NDUFAF2: variants seen among roughly 807,000 people sequenced by gnomAD.
The protein encoded by NDUFAF2 is NADH dehydrogenase [ubiquinone] 1 alpha subcomplex assembly factor 2.
Under a neutral mutation model 22.8 loss-of-function variants are expected in NDUFAF2, and 13 were observed. The observed-to-expected ratio is 0.57, with a 90% CI of 0.37 to 0.91. The LOEUF (loss-of-function observed/expected upper bound fraction) is 0.91, where lower values mean the gene tolerates loss of function less well. NDUFAF2 is among the 40% of genes least tolerant of loss of function. NDUFAF2 has a pLI of 0.01. For missense variants in NDUFAF2, 162 were observed against 195.2 expected (o/e 0.83, Z 1.01); for synonymous variants, 53 against 64.2 (o/e 0.83, Z 0.84).
intron 1 of NDUFAF2, among the ~76,000 whole-genome samples, chr5:60,997,239 T>C (rs1400988545): frequency 6.6e-6 from 1 of 152,218 alleles, no homozygotes; most frequent in Non-Finnish European, 1.5e-5. Context: ...AACATAAAGG[T>C]TTGGTGATTT....
intron 3 of NDUFAF2, among the ~76,000 whole-genome samples, chr5:61,109,410 C>G (rs531470275): frequency 6.6e-6 from 1 of 152,292 alleles, no homozygotes; most frequent in African/African-American, 2.4e-5. Flanking sequence ...GATAATTTGA[C>G]TTCTTCCTTT....
In NDUFAF2 at chr5:61,032,077, G is replaced by GT. The variant is rs531436467; in HGVS notation, c.128-41041dup. Among the ~76,000 whole-genome samples the GT allele has an allele frequency of 8.5e-4, 130 of 152,062 alleles. 1 individual carries two copies. The highest frequency in any genetic ancestry group is 2.9e-3 in the African/African-American group (120 of 41,480). ...TTGCCCACTTTTTGATGAGGTTTTT[G>GT]TTTTTTTCTTGTAAATTTGTTTAAG... On this transcript the variant is annotated intron_variant, in intron 1 of 3. Transcript: ENST00000296597.
chr5:61,106,948 G>T (rs1381420451), intron 3 of NDUFAF2, among the ~76,000 whole-genome samples: 1 of 150,480 alleles, frequency 6.6e-6, no homozygotes. Context: ...GGACATTTAG[G>T]TTGCTTCCAA....
chr5:61,094,270 C>T, intron 2 of NDUFAF2, among the ~76,000 whole-genome samples: 1 of 152,092 alleles, frequency 6.6e-6, no homozygotes, highest in Non-Finnish European at 1.5e-5. Context: ...TTAACTTGGT[C>T]TATTCTGTTA....
At chr5:61,122,074 C>A (rs992457043) in intron 3 of NDUFAF2, among the ~76,000 whole-genome samples, 51 of 152,208 alleles carry the variant, frequency 3.4e-4, no homozygotes, top group Non-Finnish European at 5.3e-4. Flanking sequence ...AAGCAATCTA[C>A]CCACCTTGGC....
At chr5:60,963,592 T>C (rs901788054) in intron 1 of NDUFAF2, among the ~76,000 whole-genome samples, 4 of 152,226 alleles carry the variant, frequency 2.6e-5, no homozygotes, top group Admixed American at 2.6e-4. Context: ...TGTTCATCCA[T>C]CTGACTGATA....
chr5:61,130,506 T>A (rs1418270107), intron 3 of NDUFAF2, among the ~76,000 whole-genome samples: 1 of 152,140 alleles, frequency 6.6e-6, no homozygotes, highest in Non-Finnish European at 1.5e-5. Flanking sequence ...CTTGCCTGAC[T>A]CACTTGCCAT....
At chr5:61,083,077 G>A (rs1382656411) in intron 2 of NDUFAF2, among the ~76,000 whole-genome samples, 2 of 152,094 alleles carry the variant, frequency 1.3e-5, no homozygotes, top group African/African-American at 2.4e-5. Flanking sequence ...TCTGACTGGT[G>A]TAAGATGGTA....
intron 1 of NDUFAF2, among the ~76,000 whole-genome samples, chr5:60,960,292 T>C (rs893251495): frequency 6.6e-6 from 1 of 152,206 alleles, no homozygotes; most frequent in Non-Finnish European, 1.5e-5. Flanking sequence ...TCTTAAATAC[T>C]GTGTATAGGC....
At chr5:61,131,366 T>C (rs1753110048) in intron 3 of NDUFAF2, among the ~76,000 whole-genome samples, 1 of 151,884 alleles carries the variant, frequency 6.6e-6, no homozygotes, top group South Asian at 2.1e-4. Context: ...TTGGGGGGTT[T>C]TTTGGTTTGT....
At chr5:61,058,351 T>C (rs1752124637) in intron 1 of NDUFAF2, among the ~76,000 whole-genome samples, 1 of 152,088 alleles carries the variant, frequency 6.6e-6, no homozygotes, top group African/African-American at 2.4e-5. Flanking sequence ...AATTAAATAC[T>C]TGATTATATT....
intron 2 of NDUFAF2, among the ~76,000 whole-genome samples, chr5:61,078,975 G>A (rs924809427): frequency 1.3e-5 from 2 of 151,658 alleles, no homozygotes; most frequent in Middle Eastern, 3.2e-3. Context: ...AGCTTGTTTC[G>A]TGTTAACAGT....
intron 1 of NDUFAF2, among the ~76,000 whole-genome samples, chr5:60,992,123 C>G (rs1751166470): frequency 6.6e-6 from 1 of 152,084 alleles, no homozygotes; most frequent in Non-Finnish European, 1.5e-5. Context: ...CAAATCTTTG[C>G]CCATTTTTTG....
chr5:61,152,871 ACCCTCAGTGGCT>A lies in NDUFAF2; in HGVS notation c.430_441del (p.Val145_Ser148del). On this transcript the variant is annotated inframe_deletion, in exon 4 of 4. Coordinates refer to ENST00000296597, the MANE Select transcript of NDUFAF2 (RefSeq NM_174889.5). ...CTGCTCCATACTTTGGAAAGGAAGA[ACCCTCAGTGGCT>A]CCCAGCAGCACTGGTAAAACCTTTC... The A allele has an allele frequency of 6.2e-7, 1 of 1,611,026 alleles. No homozygotes were observed. Among genetic ancestry groups the A allele is most frequent in the Non-Finnish European group, 8.5e-7 (1 of 1,178,298 alleles).
At chr5:61,024,997 C>T (rs903423032) in intron 1 of NDUFAF2, among the ~76,000 whole-genome samples, 5 of 152,008 alleles carry the variant, frequency 3.3e-5, no homozygotes, top group Non-Finnish European at 5.9e-5. Context: ...AACTCCTATA[C>T]GTCCTTAGAA....
chr5:60,992,025 T>A (rs1751165301), intron 1 of NDUFAF2, among the ~76,000 whole-genome samples: 3 of 152,222 alleles, frequency 2.0e-5, no homozygotes, highest in Admixed American at 2.0e-4. Flanking sequence ...GTAGTTTTGA[T>A]TTAGATTTCT....
intron 1 of NDUFAF2, among the ~76,000 whole-genome samples, chr5:61,061,575 A>T (rs1409691693): frequency 1.3e-5 from 2 of 152,200 alleles, no homozygotes; most frequent in African/African-American, 4.8e-5. Flanking sequence ...CCTTGGGCCC[A>T]GGATGATAGA....
In NDUFAF2 at chr5:61,029,004, G is replaced by A. The variant is rs1751691030; in HGVS notation, c.128-44121G>A. Among the ~76,000 whole-genome samples the A allele has an allele frequency of 2.7e-5, 4 of 150,796 alleles. No homozygotes were observed. In the Admixed American group the frequency reaches 2.7e-4, roughly 10 times the overall value. ...TCTTTGCCGTCTTATGGAACTCTGT[G>A]CCCTTATAAAACTGTACAGACCACT... is the stretch of plus-strand genomic sequence containing the variant. On this transcript the variant is annotated intron_variant, in intron 1 of 3. Transcript: ENST00000296597.
At chr5:61,143,960 TTGTG>T (rs58281805) in intron 3 of NDUFAF2, among the ~76,000 whole-genome samples, 9,188 of 97,878 alleles carry the variant, frequency 0.094, 554 homozygotes, top group African/African-American at 0.19. Flanking sequence ...TGGCATATTT[TTGTG>T]TGTGTGTGTG....
Sources: gnomAD v4.1 joint callset for allele counts (sites outside exome capture counted in the v4.1 genomes callset) on GRCh38, gnomAD v4.1.1 for gene constraint, MANE v1.5 for transcripts, NCBI Gene and HGNC (gene_info 2026-07-23, HGNC 2026-07-21) for gene names.